Variants in PARD3 observed in about 807,000 individuals in gnomAD.
PARD3 encodes the protein partitioning defective 3 homolog.
A neutral mutation model predicts 155.4 loss-of-function variants in PARD3; 75 were observed. The observed-to-expected ratio is 0.48, with a 90% confidence interval of 0.40 to 0.58. The LOEUF is 0.58. PARD3 is among the 20% of genes least tolerant of loss of function. The probability of loss-of-function intolerance (pLI) is 0.00; values close to 1 mark genes in which losing one functional copy is unlikely to be tolerated. For synonymous variants in PARD3, 576 were observed against 610.5 expected (o/e 0.94, Z 0.83); for missense variants, 1,642 against 1,721.7 (o/e 0.95, Z 0.82).
At chr10:34,557,502 G>A (rs1038808495) in intron 2 of PARD3, among the ~76,000 whole-genome samples, 6 of 151,342 alleles carry the variant, frequency 4.0e-5, no homozygotes, top group Non-Finnish European at 5.9e-5. Flanking sequence ...TTTTTGAGAT[G>A]GAGTTCGCTC....
At chr10:34,216,717 T>G (rs568925894) in intron 22 of PARD3, among the ~76,000 whole-genome samples, 1 of 152,378 alleles carries the variant, frequency 6.6e-6, no homozygotes, top group Non-Finnish European at 1.5e-5. Context: ...GGCTCTTGAA[T>G]GTTTATTCAG....
At chr10:34,443,129 T>C (rs1051279564) in intron 5 of PARD3, among the ~76,000 whole-genome samples, 1 of 152,114 alleles carries the variant, frequency 6.6e-6, no homozygotes, top group Admixed American at 6.5e-5. Context: ...CACCATTTTA[T>C]AAGAACAAGC....
intron 2 of PARD3, among the ~76,000 whole-genome samples, chr10:34,663,171 A>T (rs927424541): frequency 6.6e-6 from 1 of 152,050 alleles, no homozygotes; most frequent in African/African-American, 2.4e-5. Flanking sequence ...CATTTAAAAT[A>T]ACTAAAAGAG....
intron 22 of PARD3, among the ~76,000 whole-genome samples, chr10:34,201,813 G>A (rs1044758758): frequency 6.6e-6 from 1 of 152,160 alleles, no homozygotes; most frequent in African/African-American, 2.4e-5. Context: ...AAGAAACGTC[G>A]TTCTGTTTCG....
intron 22 of PARD3, among the ~76,000 whole-genome samples, chr10:34,159,351 G>A (rs1368509819): frequency 2.0e-5 from 3 of 152,014 alleles, no homozygotes; most frequent in Non-Finnish European, 4.4e-5. Flanking sequence ...TGTGGTTTAT[G>A]GTAGTTATTC....
intron 2 of PARD3, among the ~76,000 whole-genome samples, chr10:34,684,876 CAT>C (rs143485883): frequency 0.012 from 1,147 of 98,362 alleles, 13 homozygotes; most frequent in African/African-American, 0.042. Flanking sequence ...TATACACACA[CAT>C]ACACACACAC....
chr10:34,749,210 C>T (rs763871682), intron 1 of PARD3, among the ~76,000 whole-genome samples: 3 of 152,172 alleles, frequency 2.0e-5, no homozygotes, highest in Non-Finnish European at 4.4e-5. Context: ...TGTCCTGACA[C>T]CAAAAATCAT....
chr10:34,513,995 C>CA (rs1052600661), intron 3 of PARD3, among the ~76,000 whole-genome samples: 9 of 151,658 alleles, frequency 5.9e-5, no homozygotes, highest in African/African-American at 1.9e-4. Flanking sequence ...GTATTTTCTA[C>CA]AAAAAAAAGC....
chr10:34,647,760 T>A (rs1212086642), intron 2 of PARD3, among the ~76,000 whole-genome samples: 1 of 152,252 alleles, frequency 6.6e-6, no homozygotes, highest in African/African-American at 2.4e-5. Context: ...TATTTGTAGT[T>A]GCTAAGGCCT....
intron 20 of PARD3, among the ~76,000 whole-genome samples, chr10:34,314,826 TAC>T (rs1336597424): frequency 6.6e-6 from 1 of 152,228 alleles, no homozygotes; most frequent in Non-Finnish European, 1.5e-5. Context: ...AAGTATTAAT[TAC>T]CTTTGCTTTT....
At chr10:34,705,006 C>G (rs1391465215) in intron 1 of PARD3, among the ~76,000 whole-genome samples, 1 of 152,166 alleles carries the variant, frequency 6.6e-6, no homozygotes. Flanking sequence ...ATGCTTCTCT[C>G]TAGATTCTCT....
intron 1 of PARD3, among the ~76,000 whole-genome samples, chr10:34,762,469 CTT>C (rs72049773): frequency 0.015 from 1,506 of 98,666 alleles, 22 homozygotes; most frequent in African/African-American, 0.053. Context: ...CCATGCCTGA[CTT>C]TTTTTTTTTT....
chr10:34,626,869 C>T (rs2092003434), intron 2 of PARD3, among the ~76,000 whole-genome samples: 1 of 152,196 alleles, frequency 6.6e-6, no homozygotes, highest in South Asian at 2.1e-4. Flanking sequence ...CCACCACGAC[C>T]CACACCTAGG....
intron 1 of PARD3, among the ~76,000 whole-genome samples, chr10:34,749,716 T>C (rs1440007544): frequency 6.6e-6 from 1 of 152,092 alleles, no homozygotes; most frequent in Non-Finnish European, 1.5e-5. Flanking sequence ...AAGATGTCAG[T>C]TCCCTCCTAA....
chr10:34,250,875 C>T (rs1027571683), intron 22 of PARD3, among the ~76,000 whole-genome samples: 3 of 152,100 alleles, frequency 2.0e-5, no homozygotes, highest in Non-Finnish European at 2.9e-5. Context: ...CATTCCCCTC[C>T]ACACTTCCAG....
chr10:34,372,379 G>A, intron 12 of PARD3, 119 bp downstream of exon 12: 1 of 777,576 alleles, frequency 1.3e-6, no homozygotes, highest in Admixed American at 1.9e-5. Context: ...ATAAACCCAT[G>A]TATTAAATAT....
At chr10:34,471,850 C>T (rs558849231) in intron 3 of PARD3, among the ~76,000 whole-genome samples, 8 of 152,304 alleles carry the variant, frequency 5.3e-5, no homozygotes, top group Admixed American at 6.5e-5. Context: ...TGAGCCACCA[C>T]GTCCGGTCTA....
chr10:34,672,634 G>A (rs1322365201), intron 2 of PARD3, among the ~76,000 whole-genome samples: 1 of 152,196 alleles, frequency 6.6e-6, no homozygotes, highest in African/African-American at 2.4e-5. Flanking sequence ...AGTGAGCTAT[G>A]ATCACACTAC....
chr10:34,214,424 T>C (rs1371206199), intron 22 of PARD3, among the ~76,000 whole-genome samples: 2 of 152,316 alleles, frequency 1.3e-5, no homozygotes, highest in East Asian at 1.9e-4. Flanking sequence ...AAGGCCCTTA[T>C]GGTTTTGAGC....
Sources: gnomAD v4.1 joint callset for allele counts (sites outside exome capture counted in the v4.1 genomes callset) on GRCh38, gnomAD v4.1.1 for gene constraint, MANE v1.5 for transcripts, NCBI Gene and HGNC (gene_info 2026-07-23, HGNC 2026-07-21) for gene names.